Variants in GAS7 observed in about 807,000 individuals in gnomAD.
GAS7 encodes the protein growth arrest specific 7.
Under a neutral mutation model 71.1 loss-of-function variants are expected in GAS7, and 28 were observed. The observed-to-expected ratio is 0.39, with a 90% CI of 0.29 to 0.54. The LOEUF is 0.54. Ranked by LOEUF, GAS7 falls within the 20% of genes least tolerant of loss-of-function variation. The probability of loss-of-function intolerance (pLI) is 0.62; values close to 1 mark genes in which losing one functional copy is unlikely to be tolerated. For missense variants in GAS7, 436 were observed against 627.8 expected, an observed-to-expected ratio of 0.69 and a Z score of 3.27; for synonymous variants, 258 against 245.8, an observed-to-expected ratio of 1.05 and a Z score of -0.46.
At chr17:10,115,034 TCTGGCTGG>T (rs879324995) in intron 1 of GAS7, among the ~76,000 whole-genome samples, 4 of 152,014 alleles carry the variant, frequency 2.6e-5, no homozygotes, top group Non-Finnish European at 4.4e-5. Flanking sequence ...TGTCTGTCTG[TCTGGCTGG>T]CTGGCTGGCT....
At chr17:10,003,051 C>T (rs2071332822) in intron 2 of GAS7, among the ~76,000 whole-genome samples, 2 of 152,180 alleles carry the variant, frequency 1.3e-5, no homozygotes, top group Non-Finnish European at 2.9e-5. Flanking sequence ...ATCACATTCC[C>T]AGGCACTGGC....
At chr17:10,111,797 T>C (rs1041237266) in intron 1 of GAS7, among the ~76,000 whole-genome samples, 18 of 152,044 alleles carry the variant, frequency 1.2e-4, no homozygotes, top group Admixed American at 9.8e-4. Flanking sequence ...AATTCGGGAG[T>C]TCCAAAATTG....
intron 9 of GAS7, among the ~76,000 whole-genome samples, chr17:9,928,119 A>ATT (rs1319278537): frequency 1.1e-4 from 16 of 145,610 alleles, no homozygotes; most frequent in African/African-American, 4.1e-4. Context: ...TTATTTATTT[A>ATT]TTTATTTTTT....
chr17:10,118,140 C>A (rs370839258), intron 1 of GAS7, among the ~76,000 whole-genome samples: 2 of 152,144 alleles, frequency 1.3e-5, no homozygotes, highest in African/African-American at 2.4e-5. Flanking sequence ...CCAAGACCAT[C>A]CCGGATTACA....
chr17:10,111,571 A>C (rs2073814346), intron 1 of GAS7, among the ~76,000 whole-genome samples: 1 of 150,804 alleles, frequency 6.6e-6, no homozygotes, highest in Non-Finnish European at 1.5e-5. Flanking sequence ...AACCAGAAAT[A>C]TACTTGGGAG....
chr17:9,942,554 C>T (rs2152093048), intron 7 of GAS7, among the ~76,000 whole-genome samples: 1 of 152,236 alleles, frequency 6.6e-6, no homozygotes, highest in East Asian at 1.9e-4. Context: ...TGTTATAATC[C>T]TTGAGGCAGG....
At chr17:10,060,709 G>A (rs2073210394) in intron 1 of GAS7, among the ~76,000 whole-genome samples, 1 of 152,240 alleles carries the variant, frequency 6.6e-6, no homozygotes, top group African/African-American at 2.4e-5. Context: ...CAAGGATGCA[G>A]AGCAACTGGA....
chr17:10,065,485 C>T (rs189466988), intron 1 of GAS7, among the ~76,000 whole-genome samples: 5 of 152,294 alleles, frequency 3.3e-5, no homozygotes, highest in East Asian at 1.9e-4. Flanking sequence ...TCCTGGTAGC[C>T]GCTGGCATTC....
intron 1 of GAS7, among the ~76,000 whole-genome samples, chr17:10,119,387 T>C (rs2073887907): frequency 6.6e-6 from 1 of 152,224 alleles, no homozygotes; most frequent in Non-Finnish European, 1.5e-5. Flanking sequence ...CCCTCAGTGC[T>C]CTCATGAAGC....
intron 4 of GAS7, among the ~76,000 whole-genome samples, chr17:9,963,727 ATC>A (rs1410146675): frequency 1.3e-5 from 2 of 152,118 alleles, no homozygotes; most frequent in African/African-American, 4.8e-5. Context: ...ACAAGACCCC[ATC>A]TCTCTCTTTT....
chr17:10,046,838 AAGGAAG>A (rs1567567241), intron 1 of GAS7, among the ~76,000 whole-genome samples: 7 of 125,974 alleles, frequency 5.6e-5, no homozygotes, highest in Non-Finnish European at 1.0e-4. Flanking sequence ...GGAAGGAAGG[AAGGAAG>A]GAAAGAAAAG....
intron 5 of GAS7, among the ~76,000 whole-genome samples, chr17:9,958,649 T>C (rs1175429383): frequency 3.1e-4 from 2 of 6,472 alleles, no homozygotes; most frequent in African/African-American, 1.6e-3. Context: ...CATCTCTGCA[T>C]GGGGGTGGGT....
At chr17:10,149,248 G>A (rs527905079) in intron 1 of GAS7, among the ~76,000 whole-genome samples, 1 of 152,090 alleles carries the variant, frequency 6.6e-6, no homozygotes, top group African/African-American at 2.4e-5. Context: ...GATTACAGGT[G>A]CCCGCCACCA....
At chr17:10,098,097 C>G (rs1339089196) in intron 1 of GAS7, among the ~76,000 whole-genome samples, 1 of 151,970 alleles carries the variant, frequency 6.6e-6, no homozygotes, top group South Asian at 2.1e-4. Flanking sequence ...CCCAAGAGAC[C>G]CTGGGGTGTC....
intron 1 of GAS7, among the ~76,000 whole-genome samples, chr17:10,143,411 T>C (rs1261454883): frequency 6.6e-6 from 1 of 151,966 alleles, no homozygotes; most frequent in Non-Finnish European, 1.5e-5. Context: ...GTATGTTGTG[T>C]GTCCCCTATA....
chr17:10,165,754 C>A (rs919286404), intron 1 of GAS7, among the ~76,000 whole-genome samples: 2 of 152,134 alleles, frequency 1.3e-5, no homozygotes, highest in Non-Finnish European at 2.9e-5. Context: ...CTGCAGCTCC[C>A]AAGGGGGCAT....
intron 2 of GAS7, among the ~76,000 whole-genome samples, chr17:10,003,956 A>G (rs912573004): frequency 5.9e-5 from 9 of 152,202 alleles, no homozygotes; most frequent in African/African-American, 1.9e-4. Flanking sequence ...TCTTCCTCCA[A>G]CAATAACAAT....
Position 10,177,601 on chromosome 17 carries a change from T to C in GAS7, c.183+20607A>G, listed in dbSNP as rs554832660. ...CCCTCCAGCCTTCTCAGATGGAGTA[T>C]AGCCTCTAAGCATGACTGCTGCTCT... On this transcript the variant is annotated intron_variant, in intron 1 of 13. Transcript: ENST00000432992. 8.5e-5 allele frequency among the ~76,000 whole-genome samples: 13 copies of C among 152,184 alleles called. No homozygotes were observed. In the South Asian group the frequency reaches 2.7e-3, roughly 32 times the overall value.
Position 10,155,814 on chromosome 17 carries a change from G to A in GAS7, c.183+42394C>T, listed in dbSNP as rs186500638. On this transcript the variant is annotated intron_variant, in intron 1 of 13. Transcript: ENST00000432992. ...TCCTTAAAATAACCCTAAGAGACAT[G>A]TATTATAATGGTCCTATTTCCAGAT... Among the ~76,000 whole-genome samples the A allele has an allele frequency of 1.2e-4, 19 of 152,286 alleles. No homozygotes were observed. In the East Asian group the frequency reaches 2.7e-3, roughly 22 times the overall value.
Sources: allele counts gnomAD v4.1 joint callset (sites outside exome capture counted in the v4.1 genomes callset), GRCh38; gene constraint gnomAD v4.1.1; transcripts MANE v1.5; gene names NCBI Gene and HGNC (gene_info 2026-07-23, HGNC 2026-07-21).